DHX57: variants seen among roughly 807,000 people sequenced by gnomAD.
The protein encoded by DHX57 is putative ATP-dependent RNA helicase DHX57.
In DHX57, 105 loss-of-function variants were observed where a neutral mutation model predicts 156.2. The ratio of observed to expected loss-of-function variants is 0.67; its 90% CI spans 0.57 to 0.79. The LOEUF (loss-of-function observed/expected upper bound fraction) is 0.79. Among genes scored for constraint, DHX57 ranks in the 30% least tolerant of loss-of-function variants. The pLI, the probability that DHX57 is intolerant of heterozygous loss-of-function variation, is 0.00. For synonymous variants in DHX57, 704 were observed against 595.6 expected (o/e 1.18, Z -2.65); for missense variants, 1,847 against 1,661.9 (o/e 1.11, Z -1.94).
intron 23 of DHX57, 106 bp from the exon 24 acceptor site, chr2:38,798,548 T>C: frequency 7.7e-7 from 1 of 1,290,782 alleles, no homozygotes; most frequent in Non-Finnish European, 1.0e-6. Flanking sequence ...TTTCTGGTAC[T>C]AATTTTAACT....
chr2:38,810,568 T>C (rs576870898), intron 21 of DHX57: 3 of 583,840 alleles, frequency 5.1e-6, no homozygotes, highest in East Asian at 7.9e-5. Context: ...CTCTCCACTG[T>C]AGAGAGACAG....
In DHX57 at chr2:38,868,263, C is replaced by T; in HGVS notation, c.143G>A (p.Gly48Asp). 1 of 1,613,944 alleles carries T rather than the reference C, an allele frequency of 6.2e-7. No individual in the cohort carries two copies. Among genetic ancestry groups the T allele is most frequent in the Non-Finnish European group, 8.5e-7 (1 of 1,179,986 alleles). ...TCTACTGGAGGCCTTTCTGTTGCCG[C>T]CACCTCCACCACCACCACCACCGCC... ...GGGGGGGGGGGGNRKASSRIW... is the reference protein window; with the variant it reads ...GGGGGGGGGGDGNRKASSRIW... The change falls in exon 2 of 24, where the codon GGC becomes GAC. Residue 48 changes from glycine (G) to aspartate (D), a missense_variant. Gly to Asp is a moderately conservative substitution (Grantham distance 94). Coordinates refer to ENST00000457308, the MANE Select transcript of DHX57 (RefSeq NM_198963.3).
In DHX57 at chr2:38,798,284, C is replaced by G. The variant is rs755117164; in HGVS notation, c.*15G>C. ...TAGAAGCAGGTGAGTAGCAAGCACT[C>G]TCTAAGACTGCTTTTTATTGTGTGG... On this transcript the variant is annotated 3_prime_UTR_variant, in exon 24 of 24. Coordinates refer to ENST00000457308, the MANE Select transcript of DHX57 (RefSeq NM_198963.3). 6.2e-7 allele frequency: 1 copy of G among 1,609,532 alleles called. No homozygotes were observed. Among genetic ancestry groups the G allele is most frequent in the Admixed American group, 1.7e-5 (1 of 59,152 alleles).
rs1384055557 is a variant in DHX57, at chr2:38,798,195, C to A, written c.*104G>T. The A allele has an allele frequency of 1.4e-6, 2 of 1,480,218 alleles. No individual in the cohort carries two copies. Among genetic ancestry groups the A allele is most frequent in the African/African-American group, 2.8e-5 (2 of 70,922 alleles). 91.7% of individuals were successfully genotyped at this position (1,480,218 alleles called of 1,614,324 possible). On this transcript the variant is annotated 3_prime_UTR_variant, in exon 24 of 24. Transcript: ENST00000457308. The stretch of plus-strand genomic sequence containing the variant: ...GGCTTCATGCCCTGGGCTCCTCCAC[C>A]AGGGCCAGCCCCAATAGGTCTTTAG...
In DHX57 at chr2:38,811,306, G is replaced by T. The variant is rs1003314487; in HGVS notation, c.3681+2515C>A. On this transcript the variant is annotated intron_variant, in intron 21 of 23. Transcript: ENST00000457308. ...AGGCGAGCTCAAACCAGACCTGATC[G>T]TTCCCCTTTCCCATGGCACTGTGGG... is the stretch of plus-strand genomic sequence containing the variant. 9.5e-6 allele frequency: 5 copies of T among 525,550 alleles called. No individual in the cohort carries two copies. The African/African-American group carries it at 9.6e-5, about 10-fold the overall frequency. The allele number at this position is 525,550 out of a possible 1,614,324, so 32.6% of individuals were successfully genotyped here. A position where few individuals can be genotyped will look rare whatever the true frequency, so the allele number is the denominator to read the frequency against.
intron 20 of DHX57, among the ~76,000 whole-genome samples, chr2:38,814,873 C>T (rs560991843): frequency 6.6e-6 from 1 of 152,054 alleles, no homozygotes; most frequent in East Asian, 1.9e-4. Flanking sequence ...CAGGCATGTG[C>T]TACCATGCCT....
intron 21 of DHX57, chr2:38,811,438 T>G (rs1670243424): frequency 1.6e-6 from 1 of 609,014 alleles, no homozygotes; most frequent in South Asian, 1.5e-5. Context: ...ACAGGCCAGA[T>G]GAACTCCTCC....
chr2:38,825,228 C>T (rs1317277823), intron 16 of DHX57, among the ~76,000 whole-genome samples: 1 of 152,140 alleles, frequency 6.6e-6, no homozygotes, highest in African/African-American at 2.4e-5. Flanking sequence ...CCTTTTCTCA[C>T]TTAATGTAGT....
chr2:38,873,073 C>T (rs529033648), intron 1 of DHX57, among the ~76,000 whole-genome samples: 7 of 152,132 alleles, frequency 4.6e-5, no homozygotes, highest in African/African-American at 1.2e-4. Context: ...CAGCAACCTC[C>T]GCCTCCCAGG....
At chr2:38,871,756 G>A (rs1006260764) in intron 1 of DHX57, among the ~76,000 whole-genome samples, 3 of 150,938 alleles carry the variant, frequency 2.0e-5, no homozygotes, top group African/African-American at 7.3e-5. Flanking sequence ...GCCCCAGCTG[G>A]AGTGCAGTAG....
At chr2:38,811,541 A>G (rs1013469162) in intron 21 of DHX57, 1 of 1,148,500 alleles carries the variant, frequency 8.7e-7, no homozygotes, top group Non-Finnish European at 1.3e-6. Flanking sequence ...CCTTCTGGCC[A>G]ACATTGGCCA....
At chr2:38,823,329 A>T (rs1198550668) in intron 16 of DHX57, 60 bp from the exon 17 acceptor site, 10 of 1,485,088 alleles carry the variant, frequency 6.7e-6, no homozygotes, top group African/African-American at 1.4e-5. Context: ...GACACAGAGG[A>T]ATAATTTCTT....
intron 22 of DHX57, 24 bp downstream of exon 22, chr2:38,806,535 T>G (rs775024733): frequency 1.2e-6 from 2 of 1,610,842 alleles, no homozygotes; most frequent in East Asian, 2.2e-5. Flanking sequence ...CCTGTAAACA[T>G]TAAGTATACT....
intron 12 of DHX57, among the ~76,000 whole-genome samples, chr2:38,840,126 T>A (rs1315751993): frequency 6.6e-6 from 1 of 152,024 alleles, no homozygotes; most frequent in East Asian, 1.9e-4. Flanking sequence ...AAAATTTTTT[T>A]AAGAGACAAG....
rs1240128300 is a variant in DHX57 at position 38,819,051 on chromosome 2, T to C, written c.3385A>G (p.Lys1129Glu). 2 of 1,614,086 alleles carry C rather than the reference T, an allele frequency of 1.2e-6. No individual in the cohort carries two copies. Among genetic ancestry groups the C allele is most frequent in the Non-Finnish European group, 1.7e-6 (2 of 1,180,010 alleles). ...AAGCTATTAGGTTATATACTTACCT[T>C]ATACGCTTGTAGAAGGGCCAGATAA... ...SDYLALLQAYKGWQLSTKEGV... is the reference protein window; with the variant it reads ...SDYLALLQAYEGWQLSTKEGV... Residue 1129 changes from lysine to glutamate, a missense_variant and splice_region_variant, in exon 18 of 24, where the codon AAG becomes GAG. By Grantham distance (56) the Lys-to-Glu change is moderately conservative. Coordinates refer to ENST00000457308, the MANE Select transcript of DHX57 (RefSeq NM_198963.3).
In DHX57 at chr2:38,811,348, C is replaced by T. The variant is rs1374521041; in HGVS notation, c.3681+2473G>A. 6 of 528,154 alleles carry T rather than the reference C, an allele frequency of 1.1e-5. 1 individual carries two copies. The Admixed American group carries it at 1.3e-4, about 12-fold the overall frequency. 32.7% of individuals were successfully genotyped at this position (528,154 alleles called of 1,614,324 possible). A position where few individuals can be genotyped will look rare whatever the true frequency, so the allele number is the denominator to read the frequency against. Reference sequence around the variant, plus strand: ...CACTGTGGGACACATACTTTGCCCCCTCCCACTGAGCAATTTCCACTTGTT... The same window carrying T: ...CACTGTGGGACACATACTTTGCCCCTTCCCACTGAGCAATTTCCACTTGTT... On this transcript the variant is annotated intron_variant, in intron 21 of 23. Coordinates refer to ENST00000457308, the MANE Select transcript of DHX57 (RefSeq NM_198963.3).
chr2:38,825,703 G>A (rs982843452), intron 16 of DHX57, 144 bp downstream of exon 16: 2 of 814,316 alleles, frequency 2.5e-6, no homozygotes, highest in Non-Finnish European at 3.8e-6. Flanking sequence ...CAACACTAAG[G>A]ATATCTTTCT....
intron 1 of DHX57, among the ~76,000 whole-genome samples, chr2:38,869,831 G>C (rs1187386238): frequency 6.6e-6 from 1 of 152,176 alleles, no homozygotes; most frequent in African/African-American, 2.4e-5. Flanking sequence ...ATACACTGGA[G>C]AGAAAAAGCA....
In DHX57 at chr2:38,856,450, C is replaced by T. The variant is rs977148600; in HGVS notation, c.1599G>A (p.Gln533=). 2.5e-6 allele frequency: 4 copies of T among 1,609,524 alleles called. No homozygotes were observed. The Admixed American group carries it at 5.1e-5, about 21-fold the overall frequency. The change falls in exon 7 of 24, where the codon CAG becomes CAA. Residue 533 remains glutamine (Q), a synonymous_variant. Transcript: ENST00000457308. ...GCCTCTCTTGCAGAATGGACTGGAA[C>T]TGTCTGGAAGCCTAATAAAATCAAA... is the stretch of plus-strand genomic sequence containing the variant. The part of the protein sequence containing the change: ...KQFRMKQASR[Q]FQSILQERQS...
Sources: allele counts gnomAD v4.1 joint callset (sites outside exome capture counted in the v4.1 genomes callset), GRCh38; gene constraint gnomAD v4.1.1; transcripts MANE v1.5; gene names NCBI Gene and HGNC (gene_info 2026-07-23, HGNC 2026-07-21).